ACOT13: variants seen among roughly 807,000 people sequenced by gnomAD.
ACOT13 encodes the protein acyl-coenzyme A thioesterase 13.
In ACOT13, 10 loss-of-function variants were observed where a neutral mutation model predicts 11.8. That is an observed-to-expected ratio of 0.85 (90% CI 0.53 to 1.44). ACOT13 has a LOEUF of 1.44. Ranked by LOEUF, ACOT13 falls within the 40% of genes most tolerant of loss-of-function variation. The pLI is 0.00. For synonymous variants in ACOT13, 53 were observed against 61.0 expected, an observed-to-expected ratio of 0.87 and a Z score of 0.61; for missense variants, 172 against 174.1, an observed-to-expected ratio of 0.99 and a Z score of 0.07.
intron 1 of ACOT13, among the ~76,000 whole-genome samples, chr6:24,693,510 AG>A (rs776350141): frequency 6.6e-6 from 1 of 152,230 alleles, no homozygotes; most frequent in Admixed American, 6.5e-5. Context: ...TGAGATGCCA[AG>A]GCTTAAAGAG....
chr6:24,698,379 A>G (rs1232372737), intron 2 of ACOT13, among the ~76,000 whole-genome samples: 1 of 152,206 alleles, frequency 6.6e-6, no homozygotes, highest in Non-Finnish European at 1.5e-5. Context: ...TAACTGTTTC[A>G]TACAGTCCTT....
intron 1 of ACOT13, among the ~76,000 whole-genome samples, chr6:24,685,491 C>T (rs1378190279): frequency 1.3e-5 from 2 of 151,738 alleles, no homozygotes; most frequent in South Asian, 2.1e-4. Context: ...GGACTACAGG[C>T]GCCTGCCACC....
At chr6:24,689,973 G>C (rs559349528) in intron 1 of ACOT13, among the ~76,000 whole-genome samples, 39 of 152,302 alleles carry the variant, frequency 2.6e-4, no homozygotes, top group African/African-American at 8.9e-4. Context: ...ATGGAACATA[G>C]TCAAGATTTA....
At chr6:24,678,950 C>A (rs77272080) in intron 1 of ACOT13, among the ~76,000 whole-genome samples, 24,336 of 152,094 alleles carry the variant, frequency 0.16, 2,084 homozygotes, top group South Asian at 0.27. Flanking sequence ...CTGGTGCTTG[C>A]CCCGGGCACC....
chr6:24,685,507 C>T (rs564192947), intron 1 of ACOT13, among the ~76,000 whole-genome samples: 10 of 151,838 alleles, frequency 6.6e-5, no homozygotes, highest in Non-Finnish European at 1.3e-4. Flanking sequence ...CCACCACGCC[C>T]GGCTAATTTT....
intron 1 of ACOT13, among the ~76,000 whole-genome samples, chr6:24,676,540 T>A (rs1399033766): frequency 6.6e-6 from 1 of 152,188 alleles, no homozygotes; most frequent in African/African-American, 2.4e-5. Context: ...TATTGGTGTA[T>A]AGGAATGCTT....
intron 1 of ACOT13, among the ~76,000 whole-genome samples, chr6:24,672,692 T>C (rs1037157062): frequency 6.6e-6 from 1 of 152,146 alleles, no homozygotes; most frequent in Non-Finnish European, 1.5e-5. Context: ...TTATAACCTT[T>C]ATTAAGGAGT....
chr6:24,700,425 C>CTATT (rs1778873217), intron 2 of ACOT13, among the ~76,000 whole-genome samples: 1 of 105,150 alleles, frequency 9.5e-6, no homozygotes, highest in Admixed American at 1.2e-4. Context: ...TAAGATCCAC[C>CTATT]TTTTTTTTTT....
chr6:24,671,669 AAAC>A (rs1175640665), intron 1 of ACOT13, among the ~76,000 whole-genome samples: 5 of 152,196 alleles, frequency 3.3e-5, no homozygotes, highest in Non-Finnish European at 5.9e-5. Flanking sequence ...GAATCTCAAA[AAAC>A]AACAACAGCA....
Position 24,701,725 on chromosome 6 carries a change from A to G in ACOT13, c.*110A>G, listed in dbSNP as rs1778896248. The G allele has an allele frequency of 8.3e-7, 1 of 1,203,706 alleles. No individual in the cohort carries two copies. Among genetic ancestry groups the G allele is most frequent in the Admixed American group, 2.9e-5 (1 of 34,384 alleles). The allele number at this position is 1,203,706 out of a possible 1,614,324, so 74.6% of individuals were successfully genotyped here. Reference sequence around the variant, plus strand: ...CTAGCAAAACCAGAAGCAGCTAGAAATATTCTTGGAGGAAAAGGACCTGGA... The same window carrying G: ...CTAGCAAAACCAGAAGCAGCTAGAAGTATTCTTGGAGGAAAAGGACCTGGA... On this transcript the variant is annotated 3_prime_UTR_variant, in exon 3 of 3. Coordinates refer to ENST00000230048, the MANE Select transcript of ACOT13 (RefSeq NM_018473.4).
intron 1 of ACOT13, among the ~76,000 whole-genome samples, chr6:24,679,344 G>A (rs916821807): frequency 6.6e-6 from 1 of 152,102 alleles, no homozygotes; most frequent in Non-Finnish European, 1.5e-5. Context: ...GCGGACTTTT[G>A]AAGTTTTTTT....
chr6:24,700,343 A>G (rs1778871451), intron 2 of ACOT13, among the ~76,000 whole-genome samples: 1 of 151,982 alleles, frequency 6.6e-6, no homozygotes, highest in Non-Finnish European at 1.5e-5. Flanking sequence ...CCAAACTACT[A>G]CTAAACATAC....
chr6:24,687,551 G>T, intron 1 of ACOT13: 1 of 1,417,188 alleles, frequency 7.1e-7, no homozygotes, highest in Non-Finnish European at 9.2e-7. Flanking sequence ...TTATGGAAAT[G>T]AGTGATGAAG....
chr6:24,667,627 A>AC (rs1304853075), intron 1 of ACOT13, among the ~76,000 whole-genome samples: 1 of 152,196 alleles, frequency 6.6e-6, no homozygotes, highest in African/African-American at 2.4e-5. Flanking sequence ...CAACCAACAA[A>AC]CGTCTGCATT....
intron 1 of ACOT13, among the ~76,000 whole-genome samples, chr6:24,696,404 T>G (rs1281737633): frequency 6.6e-6 from 1 of 152,220 alleles, no homozygotes; most frequent in Non-Finnish European, 1.5e-5. Flanking sequence ...TGAATTTAAG[T>G]TCTCTGCAAA....
intron 1 of ACOT13, among the ~76,000 whole-genome samples, chr6:24,670,759 AG>A (rs1174212878): frequency 6.6e-6 from 1 of 152,208 alleles, no homozygotes; most frequent in African/African-American, 2.4e-5. Flanking sequence ...TCAAAAGAAA[AG>A]TTTCAAGGCT....
intron 1 of ACOT13, among the ~76,000 whole-genome samples, chr6:24,697,157 C>T (rs1212709219): frequency 6.6e-6 from 1 of 152,148 alleles, no homozygotes; most frequent in Non-Finnish European, 1.5e-5. Context: ...ATAAATGGGC[C>T]AAAACCTTAA....
chr6:24,700,439 T>C (rs1778874303), intron 2 of ACOT13, among the ~76,000 whole-genome samples: 1 of 132,790 alleles, frequency 7.5e-6, no homozygotes, highest in African/African-American at 2.9e-5. Flanking sequence ...TTTTTTTTTT[T>C]TTTTTTTTTT....
At chr6:24,679,158 G>A (rs62400782) in intron 1 of ACOT13, among the ~76,000 whole-genome samples, 122 of 152,280 alleles carry the variant, frequency 8.0e-4, no homozygotes, top group Non-Finnish European at 1.5e-3. Context: ...CATTCGATTT[G>A]CCCAGCTTTT....
Sources: gnomAD v4.1 joint callset for allele counts (sites outside exome capture counted in the v4.1 genomes callset) on GRCh38, gnomAD v4.1.1 for gene constraint, MANE v1.5 for transcripts, NCBI Gene and HGNC (gene_info 2026-07-23, HGNC 2026-07-21) for gene names.